Variants in C19orf81 observed in about 807,000 individuals in gnomAD.
C19orf81 encodes the protein chromosome 19 open reading frame 81.
Under a neutral mutation model 22.1 loss-of-function variants are expected in C19orf81, and 19 were observed. The ratio of observed to expected loss-of-function variants is 0.86; its 90% CI spans 0.60 to 1.26. The LOEUF (loss-of-function observed/expected upper bound fraction) is 1.26, where lower values mean the gene tolerates loss of function less well. Ranked by LOEUF, C19orf81 falls within the 50% of genes most tolerant of loss-of-function variation. C19orf81 has a pLI of 0.00. For missense variants in C19orf81, 287 were observed against 280.7 expected, an observed-to-expected ratio of 1.02 and a Z score of -0.16; for synonymous variants, 108 against 113.1, an observed-to-expected ratio of 0.95 and a Z score of 0.29.
At chr19:50,658,645 G>A in intron 4 of C19orf81, 1 of 339,762 alleles carries the variant, frequency 2.9e-6, no homozygotes, top group Admixed American at 4.5e-5. Context: ...GTGGGGACAG[G>A]CCTGGAGTGC....
chr19:50,650,304 C>T (rs1453788555), intron 1 of C19orf81, among the ~76,000 whole-genome samples: 1 of 152,250 alleles, frequency 6.6e-6, no homozygotes. Context: ...TAGCACAGCT[C>T]ATGCAGTTAC....
At chr19:50,649,532 G>A (rs910565256) in intron 1 of C19orf81, 21 bp downstream of exon 1, 3 of 1,535,238 alleles carry the variant, frequency 2.0e-6, no homozygotes, top group African/African-American at 2.7e-5. Flanking sequence ...GTGTCTTTGG[G>A]GGAAGGGGTG....
At chr19:50,658,890 C>A in intron 4 of C19orf81, 57 bp from the exon 5 acceptor site, 3 of 1,361,676 alleles carry the variant, frequency 2.2e-6, no homozygotes, top group East Asian at 2.9e-5. Flanking sequence ...CTTCGACGAT[C>A]AAAGCCAGGG....
chr19:50,649,573 C>G, intron 1 of C19orf81, 62 bp downstream of exon 1: 1 of 1,504,756 alleles, frequency 6.6e-7, no homozygotes, highest in East Asian at 2.5e-5. Context: ...TGCGTAGTAG[C>G]CCGGGCTCAC....
At chr19:50,655,351 T>G (rs1984971378) in intron 1 of C19orf81, among the ~76,000 whole-genome samples, 1 of 152,182 alleles carries the variant, frequency 6.6e-6, no homozygotes, top group South Asian at 2.1e-4. Flanking sequence ...CTGAGAGTGT[T>G]GGAAAAACTG....
At chr19:50,654,858 A>C (rs1984960210) in intron 1 of C19orf81, among the ~76,000 whole-genome samples, 1 of 152,200 alleles carries the variant, frequency 6.6e-6, no homozygotes. Flanking sequence ...CTGGTCAAGA[A>C]CCAGAATTGT....
intron 4 of C19orf81, chr19:50,658,492 GAGA>G (rs1468931876): frequency 5.8e-5 from 16 of 274,032 alleles, no homozygotes; most frequent in Admixed American, 1.9e-4. Context: ...TGAGATCAGA[GAGA>G]AGGAGGGATC....
intron 1 of C19orf81, among the ~76,000 whole-genome samples, chr19:50,651,853 C>G (rs968258557): frequency 6.6e-6 from 1 of 152,096 alleles, no homozygotes; most frequent in Non-Finnish European, 1.5e-5. Flanking sequence ...ACTGTTGTAA[C>G]TAGAAATAGT....
chr19:50,650,341 T>G (rs1984850488), intron 1 of C19orf81, among the ~76,000 whole-genome samples: 1 of 152,242 alleles, frequency 6.6e-6, no homozygotes, highest in Non-Finnish European at 1.5e-5. Context: ...TGGAGTAGTA[T>G]CTCAGTGAGG....
chr19:50,652,335 C>A (rs190689330), intron 1 of C19orf81, among the ~76,000 whole-genome samples: 107 of 152,128 alleles, frequency 7.0e-4, no homozygotes, highest in South Asian at 1.2e-3. Flanking sequence ...ATGCTGGGGA[C>A]GAAAACACAA....
intron 1 of C19orf81, among the ~76,000 whole-genome samples, chr19:50,651,753 A>G (rs1984883134): frequency 6.6e-6 from 1 of 152,150 alleles, no homozygotes; most frequent in South Asian, 2.1e-4. Context: ...CAATTTTTCA[A>G]TAAGTACTTA....
At chr19:50,657,003 G>GGGAAA (rs757158525) in intron 3 of C19orf81, among the ~76,000 whole-genome samples, 4 of 148,086 alleles carry the variant, frequency 2.7e-5, no homozygotes, top group Admixed American at 6.8e-5. Flanking sequence ...AAGGGAGGGA[G>GGGAAA]GGAAAGGAAA....
intron 3 of C19orf81, among the ~76,000 whole-genome samples, chr19:50,657,687 T>C (rs563060472): frequency 1.3e-5 from 2 of 152,352 alleles, no homozygotes; most frequent in Admixed American, 6.5e-5. Context: ...ATTCGTAAAG[T>C]TGGCTAAGTT....
chr19:50,653,872 C>T (rs1463671791), intron 1 of C19orf81, among the ~76,000 whole-genome samples: 1 of 151,856 alleles, frequency 6.6e-6, no homozygotes, highest in Non-Finnish European at 1.5e-5. Flanking sequence ...CAGGCAAGCC[C>T]ATGACTGGGA....
chr19:50,653,648 A>G (rs922390148), intron 1 of C19orf81, among the ~76,000 whole-genome samples: 1 of 150,876 alleles, frequency 6.6e-6, no homozygotes, highest in Non-Finnish European at 1.5e-5. Context: ...AGTTAAACCA[A>G]GTTGAATGTG....
chr19:50,651,212 C>T (rs902913735), intron 1 of C19orf81, among the ~76,000 whole-genome samples: 2 of 152,148 alleles, frequency 1.3e-5, no homozygotes, highest in East Asian at 1.9e-4. Flanking sequence ...TGGCAATAAG[C>T]GCTCTTTAGT....
At chr19:50,649,785 ATTC>A in intron 1 of C19orf81, 1 of 574,596 alleles carries the variant, frequency 1.7e-6, no homozygotes, top group Non-Finnish European at 3.3e-6. Context: ...CTCTGAGGCC[ATTC>A]TTCTCCTAGG....
At chr19:50,657,964 G>C in intron 3 of C19orf81, 25 bp from the exon 4 acceptor site, 5 of 1,512,732 alleles carry the variant, frequency 3.3e-6, no homozygotes, top group Non-Finnish European at 4.4e-6. Flanking sequence ...GCCACGGGCT[G>C]AGGTTCTCTC....
intron 1 of C19orf81, among the ~76,000 whole-genome samples, chr19:50,654,590 C>T (rs1340498238): frequency 1.3e-5 from 2 of 151,816 alleles, no homozygotes; most frequent in Non-Finnish European, 2.9e-5. Context: ...AGCCACTGCA[C>T]CAGGCTCCGT....
Sources: allele counts gnomAD v4.1 joint callset (sites outside exome capture counted in the v4.1 genomes callset), GRCh38; gene constraint gnomAD v4.1.1; transcripts MANE v1.5; gene names NCBI Gene and HGNC (gene_info 2026-07-23, HGNC 2026-07-21).